Variants in DSCAM observed in about 807,000 individuals in gnomAD.
DSCAM encodes the protein cell adhesion molecule DSCAM.
In DSCAM, 47 loss-of-function variants were observed where a neutral mutation model predicts 217.7. The ratio of observed to expected loss-of-function variants is 0.22; its 90% confidence interval spans 0.17 to 0.28. DSCAM has a LOEUF of 0.28. Ranked by LOEUF, DSCAM falls within the 10% of genes least tolerant of loss-of-function variation. The probability of loss-of-function intolerance (pLI) is 1.00; values close to 1 mark genes in which losing one functional copy is unlikely to be tolerated. For missense variants in DSCAM, 2,080 were observed against 2,618.3 expected (o/e 0.79, Z 4.49); for synonymous variants, 1,056 against 1,015.3 (o/e 1.04, Z -0.76).
intron 20 of DSCAM, among the ~76,000 whole-genome samples, chr21:40,122,147 T>C (rs372874178): frequency 2.0e-5 from 3 of 152,120 alleles, no homozygotes; most frequent in South Asian, 4.1e-4. Flanking sequence ...GGATAGGATG[T>C]TTTTTCTTCC....
intron 6 of DSCAM, among the ~76,000 whole-genome samples, chr21:40,342,626 G>GTATA (rs1244685654): frequency 0.054 from 5,100 of 94,312 alleles, 288 homozygotes; most frequent in Middle Eastern, 0.11. Flanking sequence ...GTGTGTGTGT[G>GTATA]TATATATATA....
intron 3 of DSCAM, among the ~76,000 whole-genome samples, chr21:40,430,257 G>A (rs1036504021): frequency 7.2e-5 from 11 of 152,200 alleles, no homozygotes; most frequent in African/African-American, 2.7e-4. Flanking sequence ...TTAATACTGA[G>A]TGTCAACTTG....
At chr21:40,453,851 G>C (rs555363421) in intron 3 of DSCAM, among the ~76,000 whole-genome samples, 1 of 152,322 alleles carries the variant, frequency 6.6e-6, no homozygotes, top group East Asian at 1.9e-4. Context: ...AGACTAAAAG[G>C]AAGTAAGAGC....
At chr21:40,502,895 T>C (rs560121684) in intron 3 of DSCAM, among the ~76,000 whole-genome samples, 2 of 151,968 alleles carry the variant, frequency 1.3e-5, no homozygotes, top group Non-Finnish European at 2.9e-5. Flanking sequence ...ATGATTTCCT[T>C]TATAATATTA....
intron 8 of DSCAM, among the ~76,000 whole-genome samples, chr21:40,314,091 A>G (rs1192815724): frequency 6.6e-6 from 1 of 152,240 alleles, no homozygotes; most frequent in Non-Finnish European, 1.5e-5. Context: ...CGTGCTGGGC[A>G]CACAGCAATG....
At chr21:40,827,150 G>T (rs1050818887) in intron 1 of DSCAM, among the ~76,000 whole-genome samples, 60 of 152,118 alleles carry the variant, frequency 3.9e-4, no homozygotes, top group African/African-American at 1.3e-3. Flanking sequence ...AGAGAGTGAG[G>T]TGTGCACGGT....
At chr21:40,043,425 G>C (rs1048977581) in intron 31 of DSCAM, among the ~76,000 whole-genome samples, 6 of 152,184 alleles carry the variant, frequency 3.9e-5, no homozygotes, top group Non-Finnish European at 8.8e-5. Context: ...TGTTTTTGAA[G>C]TATATCATCA....
At chr21:40,241,452 A>T (rs926670799) in intron 11 of DSCAM, among the ~76,000 whole-genome samples, 1 of 152,222 alleles carries the variant, frequency 6.6e-6, no homozygotes, top group African/African-American at 2.4e-5. Flanking sequence ...ATCTCATACC[A>T]GTCAGAATAG....
intron 3 of DSCAM, among the ~76,000 whole-genome samples, chr21:40,482,657 T>A (rs2075992813): frequency 6.6e-6 from 1 of 152,176 alleles, no homozygotes; most frequent in South Asian, 2.1e-4. Flanking sequence ...TAACACACAT[T>A]CCCAGGAGGT....
intron 3 of DSCAM, among the ~76,000 whole-genome samples, chr21:40,433,904 C>CCTGAAGTGGACGATGTCAT (rs1158493228): frequency 1.3e-5 from 2 of 152,266 alleles, no homozygotes; most frequent in East Asian, 3.9e-4. Context: ...GGTGATTTCA[C>CCTGAAGTGGACGATGTCAT]CTGAAGTGGA....
chr21:40,544,931 G>A (rs867390408), intron 3 of DSCAM, among the ~76,000 whole-genome samples: 1 of 151,226 alleles, frequency 6.6e-6, no homozygotes, highest in Admixed American at 6.6e-5. Context: ...AAAAAAAAAG[G>A]TAGAATAGGC....
At chr21:40,697,497 A>C (rs942551018) in intron 2 of DSCAM, among the ~76,000 whole-genome samples, 11 of 152,092 alleles carry the variant, frequency 7.2e-5, no homozygotes, top group African/African-American at 2.7e-4. Flanking sequence ...GCCCACTTTG[A>C]GTTGATTTTC....
intron 3 of DSCAM, among the ~76,000 whole-genome samples, chr21:40,663,807 T>G (rs1203624736): frequency 6.6e-6 from 1 of 152,172 alleles, no homozygotes; most frequent in African/African-American, 2.4e-5. Flanking sequence ...TCTGGACACC[T>G]TGATGCTTCT....
At chr21:40,445,818 T>C (rs2075670153) in intron 3 of DSCAM, among the ~76,000 whole-genome samples, 1 of 152,240 alleles carries the variant, frequency 6.6e-6, no homozygotes, top group African/African-American at 2.4e-5. Flanking sequence ...TTGATGTTTT[T>C]TGAAAGAGAA....
At chr21:40,843,601 G>A (rs772385413) in intron 1 of DSCAM, among the ~76,000 whole-genome samples, 3 of 152,094 alleles carry the variant, frequency 2.0e-5, no homozygotes, top group Admixed American at 1.3e-4. Context: ...AGAAGACACC[G>A]AGGGACGTGT....
chr21:40,335,030 C>T (rs1389196816), intron 8 of DSCAM, among the ~76,000 whole-genome samples: 1 of 152,084 alleles, frequency 6.6e-6, no homozygotes, highest in East Asian at 1.9e-4. Context: ...CTCTGTTATT[C>T]CTCAAGCTTG....
intron 9 of DSCAM, among the ~76,000 whole-genome samples, chr21:40,310,760 G>GA (rs1601539720): frequency 1.3e-5 from 2 of 152,268 alleles, no homozygotes; most frequent in East Asian, 3.9e-4. Context: ...CTGCTTATAA[G>GA]AAAACGCTTG....
intron 30 of DSCAM, among the ~76,000 whole-genome samples, chr21:40,047,807 C>T (rs1303798483): frequency 6.6e-6 from 1 of 152,168 alleles, no homozygotes; most frequent in East Asian, 1.9e-4. Flanking sequence ...CCACTGGATG[C>T]ACCTCACCCA....
At chr21:40,670,244 C>G (rs960114268) in intron 3 of DSCAM, among the ~76,000 whole-genome samples, 1 of 152,148 alleles carries the variant, frequency 6.6e-6, no homozygotes, top group African/African-American at 2.4e-5. Flanking sequence ...TAACTCGGTA[C>G]TTATTAAACA....
Sources: gnomAD v4.1 joint callset for allele counts (sites outside exome capture counted in the v4.1 genomes callset) on GRCh38, gnomAD v4.1.1 for gene constraint, MANE v1.5 for transcripts, NCBI Gene and HGNC (gene_info 2026-07-23, HGNC 2026-07-21) for gene names.